ADAMTS6: variants seen among roughly 807,000 people sequenced by gnomAD.
ADAMTS6 encodes the protein A disintegrin and metalloproteinase with thrombospondin motifs 6.
Under a neutral mutation model 144.3 loss-of-function variants are expected in ADAMTS6, and 23 were observed. The ratio of observed to expected loss-of-function variants is 0.16; its 90% CI spans 0.11 to 0.23. The LOEUF (loss-of-function observed/expected upper bound fraction) is 0.23. Among genes scored for constraint, ADAMTS6 ranks in the 10% least tolerant of loss-of-function variants. The pLI is 1.00. For missense variants in ADAMTS6, 999 were observed against 1,379.6 expected (o/e 0.72, Z 4.37); for synonymous variants, 444 against 457.5 (o/e 0.97, Z 0.38).
intron 23 of ADAMTS6, among the ~76,000 whole-genome samples, 199 bp from the exon 24 acceptor site, chr5:65,170,972 G>A (rs977577342): frequency 4.6e-5 from 7 of 151,588 alleles, no homozygotes; most frequent in African/African-American, 1.7e-4. Context: ...CCAAAGTGCT[G>A]GGATTACAGG....
chr5:65,213,656 A>C (rs1020287098), intron 20 of ADAMTS6, among the ~76,000 whole-genome samples: 1 of 151,952 alleles, frequency 6.6e-6, no homozygotes, highest in East Asian at 1.9e-4. Flanking sequence ...AGTAATAAGT[A>C]ATAAAATAAA....
intron 7 of ADAMTS6, among the ~76,000 whole-genome samples, chr5:65,422,298 C>T (rs1016557942): frequency 4.6e-5 from 7 of 152,170 alleles, no homozygotes; most frequent in African/African-American, 1.4e-4. Context: ...CCACTATTAA[C>T]GAGTCAAGAA....
chr5:65,451,314 A>C, intron 7 of ADAMTS6, 161 bp downstream of exon 7: 1 of 652,736 alleles, frequency 1.5e-6, no homozygotes, highest in South Asian at 2.8e-5. Flanking sequence ...TGATGCAAAC[A>C]CAATAATAGT....
chr5:65,205,011 T>A (rs931954268), intron 20 of ADAMTS6, among the ~76,000 whole-genome samples: 2 of 152,234 alleles, frequency 1.3e-5, no homozygotes, highest in Non-Finnish European at 2.9e-5. Flanking sequence ...TGAAAATAAC[T>A]TCTGGATTGG....
chr5:65,207,249 C>G (rs912767825), intron 20 of ADAMTS6, among the ~76,000 whole-genome samples: 1 of 151,820 alleles, frequency 6.6e-6, no homozygotes, highest in Non-Finnish European at 1.5e-5. Flanking sequence ...TTTTGCACTT[C>G]TATTCAAAGA....
chr5:65,445,349 G>GT (rs1192399099), intron 7 of ADAMTS6, among the ~76,000 whole-genome samples: 2 of 151,994 alleles, frequency 1.3e-5, no homozygotes, highest in East Asian at 3.9e-4. Flanking sequence ...TTTGTTTTTT[G>GT]TTTTTTAAGA....
chr5:65,163,208 G>GC (rs1752897873), intron 24 of ADAMTS6, among the ~76,000 whole-genome samples: 1 of 151,962 alleles, frequency 6.6e-6, no homozygotes, highest in Non-Finnish European at 1.5e-5. Flanking sequence ...ACCACACCCA[G>GC]CTAAGAGATT....
At chr5:65,337,943 A>T (rs982392325) in intron 7 of ADAMTS6, among the ~76,000 whole-genome samples, 13 of 152,294 alleles carry the variant, frequency 8.5e-5, no homozygotes, top group African/African-American at 2.6e-4. Context: ...GATTGAGGAA[A>T]AGGAATTCTA....
rs748801493 is a variant in ADAMTS6 at position 65,173,025 on chromosome 5, T to C, written c.2911-17A>G. On this transcript the variant is annotated splice_polypyrimidine_tract_variant and intron_variant, in intron 22 of 24. Transcript: ENST00000381055. ...TGGAGTACACTGGAAATAAAACAAA[T>C]AGTAATGAATCACGACAGTTTAAAG... is the stretch of plus-strand genomic sequence containing the variant. The C allele has an allele frequency of 6.2e-7, 1 of 1,607,986 alleles. No individual in the cohort carries two copies. Among genetic ancestry groups the C allele is most frequent in the Non-Finnish European group, 8.5e-7 (1 of 1,177,572 alleles).
intron 9 of ADAMTS6, among the ~76,000 whole-genome samples, chr5:65,302,107 A>ATATAT (rs1554065953): frequency 8.8e-5 from 3 of 34,084 alleles, no homozygotes; most frequent in African/African-American, 3.3e-4. Context: ...AAAAAAAAAA[A>ATATAT]ATATATATAT....
intron 7 of ADAMTS6, among the ~76,000 whole-genome samples, chr5:65,365,990 T>C (rs1016026272): frequency 6.6e-6 from 1 of 151,912 alleles, no homozygotes; most frequent in African/African-American, 2.4e-5. Flanking sequence ...TTTTTGAACT[T>C]TATAATCATT....
chr5:65,381,109 GTTAA>G (rs1751996766), intron 7 of ADAMTS6, among the ~76,000 whole-genome samples: 1 of 152,120 alleles, frequency 6.6e-6, no homozygotes, highest in Non-Finnish European at 1.5e-5. Flanking sequence ...ATTTACAAAT[GTTAA>G]TTTTCTTTCT....
intron 20 of ADAMTS6, chr5:65,210,581 C>A: frequency 3.4e-6 from 2 of 584,946 alleles, no homozygotes; most frequent in Non-Finnish European, 3.0e-6. Context: ...GCCAGAACTA[C>A]CACTGGCAAT....
At chr5:65,304,280 C>T (rs1286499913) in intron 9 of ADAMTS6, among the ~76,000 whole-genome samples, 1 of 152,206 alleles carries the variant, frequency 6.6e-6, no homozygotes, top group African/African-American at 2.4e-5. Context: ...TTACAACTGA[C>T]ATTCATGACA....
At chr5:65,464,942 C>G (rs900800934) in intron 3 of ADAMTS6, among the ~76,000 whole-genome samples, 3 of 152,172 alleles carry the variant, frequency 2.0e-5, no homozygotes, top group Non-Finnish European at 4.4e-5. Flanking sequence ...CCCTCACAAC[C>G]CAGCTTCAAT....
intron 10 of ADAMTS6, among the ~76,000 whole-genome samples, chr5:65,295,989 T>A (rs966161167): frequency 1.3e-5 from 2 of 152,114 alleles, no homozygotes; most frequent in African/African-American, 4.8e-5. Context: ...AAATATGCAC[T>A]CATGGCTTTG....
In ADAMTS6 at chr5:65,307,452, A is replaced by G. The variant is rs1387626322; in HGVS notation, c.1224-7321T>C. On this transcript the variant is annotated intron_variant, in intron 9 of 24. Transcript: ENST00000381055. Reference sequence around the variant, plus strand: ...TTTGGATAAACTGAGGAGACTCACGAGGTTAAAATGCAGACCTAATCAACA... The same window carrying G: ...TTTGGATAAACTGAGGAGACTCACGGGGTTAAAATGCAGACCTAATCAACA... Among the ~76,000 whole-genome samples, 3 of 152,216 alleles carry G rather than the reference A, an allele frequency of 2.0e-5. No homozygotes were observed. The East Asian group carries it at 5.8e-4, about 29-fold the overall frequency.
At chr5:65,337,942 A>C (rs184576406) in intron 7 of ADAMTS6, among the ~76,000 whole-genome samples, 27 of 152,312 alleles carry the variant, frequency 1.8e-4, no homozygotes, top group African/African-American at 5.5e-4. Flanking sequence ...AGATTGAGGA[A>C]AAGGAATTCT....
At chr5:65,385,387 A>G (rs1393003278) in intron 7 of ADAMTS6, among the ~76,000 whole-genome samples, 1 of 152,134 alleles carries the variant, frequency 6.6e-6, no homozygotes, top group African/African-American at 2.4e-5. Context: ...TGCAAACTAA[A>G]CTCAGAGAGA....
Sources: gnomAD v4.1 joint callset for allele counts (sites outside exome capture counted in the v4.1 genomes callset) on GRCh38, gnomAD v4.1.1 for gene constraint, MANE v1.5 for transcripts, NCBI Gene and HGNC (gene_info 2026-07-23, HGNC 2026-07-21) for gene names.